PIK3CB: variants seen among roughly 807,000 people sequenced by gnomAD.
PIK3CB encodes the protein phosphatidylinositol-4,5-bisphosphate 3-kinase catalytic subunit beta, also known as phosphatidylinositol 4,5-bisphosphate 3-kinase catalytic subunit beta isoform.
Under a neutral mutation model 136.8 loss-of-function variants are expected in PIK3CB, and 39 were observed. The ratio of observed to expected loss-of-function variants is 0.29; its 90% confidence interval spans 0.22 to 0.37. The LOEUF (loss-of-function observed/expected upper bound fraction) is 0.37, where lower values mean the gene tolerates loss of function less well. Ranked by LOEUF, PIK3CB falls within the 10% of genes least tolerant of loss-of-function variation. PIK3CB has a pLI of 1.00. For missense variants in PIK3CB, 868 were observed against 1,275.4 expected (o/e 0.68, Z 4.87); for synonymous variants, 428 against 436.6 (o/e 0.98, Z 0.25).
intron 2 of PIK3CB, among the ~76,000 whole-genome samples, chr3:138,764,603 T>C (rs969295116): frequency 6.6e-6 from 1 of 152,026 alleles, no homozygotes; most frequent in Non-Finnish European, 1.5e-5. Flanking sequence ...ATTTAAAAAT[T>C]GAATTATGAG....
chr3:138,770,932 G>T (rs925841128), intron 2 of PIK3CB, among the ~76,000 whole-genome samples: 1 of 151,832 alleles, frequency 6.6e-6, no homozygotes, highest in African/African-American at 2.4e-5. Context: ...GGCTAGTCTT[G>T]AACTCCTGAC....
rs543699934 is a variant in PIK3CB, at chr3:138,803,309, T to C, written c.-121-6742A>G. 4.6e-5 allele frequency among the ~76,000 whole-genome samples: 7 copies of C among 152,338 alleles called. No homozygotes were observed. In the East Asian group the frequency reaches 7.7e-4, roughly 17 times the overall value. ...AACATAAATAAGTATTCTCACCTTA[T>C]GAAACTTATGTATATTTTAAATTTT... On this transcript the variant is annotated intron_variant, in intron 1 of 23. Transcript: ENST00000674063.
intron 1 of PIK3CB, among the ~76,000 whole-genome samples, chr3:138,823,786 C>T (rs914685402): frequency 6.6e-6 from 1 of 152,110 alleles, no homozygotes; most frequent in Admixed American, 6.6e-5. Flanking sequence ...AACTTCAAAT[C>T]GGGTTATAAT....
chr3:138,808,584 G>A (rs1398173596), intron 1 of PIK3CB, among the ~76,000 whole-genome samples: 1 of 152,018 alleles, frequency 6.6e-6, no homozygotes, highest in Non-Finnish European at 1.5e-5. Flanking sequence ...AAGAGGCTGA[G>A]GTGGGGTGGG....
At chr3:138,755,056 G>T (rs192441873) in intron 4 of PIK3CB, among the ~76,000 whole-genome samples, 101 of 152,262 alleles carry the variant, frequency 6.6e-4, no homozygotes, top group African/African-American at 2.3e-3. Flanking sequence ...GAATAAATTT[G>T]CAAGGAATAA....
At chr3:138,747,625 T>C (rs1408612650) in intron 4 of PIK3CB, among the ~76,000 whole-genome samples, 1 of 152,222 alleles carries the variant, frequency 6.6e-6, no homozygotes, top group South Asian at 2.1e-4. Context: ...TATGTAAGTT[T>C]TGAAATTTTA....
intron 19 of PIK3CB, among the ~76,000 whole-genome samples, chr3:138,680,774 G>A (rs1374616545): frequency 6.6e-6 from 1 of 151,404 alleles, no homozygotes; most frequent in East Asian, 2.0e-4. Context: ...CGCAACTTCC[G>A]CCTCTCAGGT....
intron 8 of PIK3CB, among the ~76,000 whole-genome samples, chr3:138,719,949 A>C (rs2044692098): frequency 6.6e-6 from 1 of 152,174 alleles, no homozygotes; most frequent in African/African-American, 2.4e-5. Flanking sequence ...CAGTGTGAAA[A>C]TAGAAAATGA....
At chr3:138,800,019 G>T (rs1238446231) in intron 1 of PIK3CB, among the ~76,000 whole-genome samples, 1 of 152,002 alleles carries the variant, frequency 6.6e-6, no homozygotes, top group Non-Finnish European at 1.5e-5. Context: ...CTACTCTCTA[G>T]CCTTACTGGT....
intron 19 of PIK3CB, among the ~76,000 whole-genome samples, chr3:138,670,323 T>G (rs1258832386): frequency 6.6e-6 from 1 of 152,222 alleles, no homozygotes; most frequent in Non-Finnish European, 1.5e-5. Flanking sequence ...CTGAATCTAC[T>G]AATTAGCAAA....
intron 11 of PIK3CB, among the ~76,000 whole-genome samples, chr3:138,705,199 A>AAAAAAAAAAAAC: frequency 7.0e-6 from 1 of 143,258 alleles, no homozygotes; most frequent in Non-Finnish European, 1.5e-5. Flanking sequence ...ACAAAAAAAA[A>AAAAAAAAAAAAC]AACTTATATT....
At chr3:138,769,467 G>C (rs1440562902) in intron 2 of PIK3CB, among the ~76,000 whole-genome samples, 2 of 152,138 alleles carry the variant, frequency 1.3e-5, no homozygotes, top group African/African-American at 4.8e-5. Context: ...CTAGCTCTTA[G>C]TTTTCAAGAC....
intron 3 of PIK3CB, 65 bp from the exon 4 acceptor site, chr3:138,756,044 G>A: frequency 1.2e-6 from 1 of 820,974 alleles, no homozygotes; most frequent in Non-Finnish European, 2.1e-6. Context: ...AAGATATAAG[G>A]ATGCTCACTG....
chr3:138,791,593 A>G (rs2046048428), intron 2 of PIK3CB, among the ~76,000 whole-genome samples: 1 of 152,132 alleles, frequency 6.6e-6, no homozygotes, highest in Non-Finnish European at 1.5e-5. Context: ...CCACATTCAC[A>G]ATGATGATGT....
At chr3:138,792,010 G>A (rs903717795) in intron 2 of PIK3CB, among the ~76,000 whole-genome samples, 1 of 152,100 alleles carries the variant, frequency 6.6e-6, no homozygotes, top group Non-Finnish European at 1.5e-5. Flanking sequence ...CCACATCCAT[G>A]AATACAACCA....
At chr3:138,713,774 T>C (rs1470762399) in intron 9 of PIK3CB, among the ~76,000 whole-genome samples, 1 of 152,102 alleles carries the variant, frequency 6.6e-6, no homozygotes, top group African/African-American at 2.4e-5. Flanking sequence ...ACCAAAAAGC[T>C]TTCAAAAAGC....
chr3:138,810,066 G>T (rs985114340), intron 1 of PIK3CB, among the ~76,000 whole-genome samples: 3 of 152,112 alleles, frequency 2.0e-5, no homozygotes, highest in African/African-American at 7.2e-5. Flanking sequence ...TCGTGAAAGG[G>T]ACCAGGGCAA....
At chr3:138,822,140 GA>G (rs145825534) in intron 1 of PIK3CB, among the ~76,000 whole-genome samples, 14 of 142,060 alleles carry the variant, frequency 9.9e-5, no homozygotes, top group South Asian at 2.2e-4. Flanking sequence ...CCTGTCTCCA[GA>G]AAAAAAAAAA....
intron 4 of PIK3CB, among the ~76,000 whole-genome samples, chr3:138,753,902 T>C (rs998287390): frequency 2.0e-5 from 3 of 152,218 alleles, no homozygotes; most frequent in African/African-American, 7.2e-5. Context: ...GTGGTTCTGG[T>C]TTGCTTTCTT....
Sources: gnomAD v4.1 joint callset for allele counts (sites outside exome capture counted in the v4.1 genomes callset) on GRCh38, gnomAD v4.1.1 for gene constraint, MANE v1.5 for transcripts, NCBI Gene and HGNC (gene_info 2026-07-23, HGNC 2026-07-21) for gene names.